Variants in ACTR5 observed in about 807,000 individuals in gnomAD.
The protein encoded by ACTR5 is actin-related protein 5.
ACTR5 carries 43 observed loss-of-function variants against 61.2 expected under a neutral mutation model. That is an observed-to-expected ratio of 0.70 (90% CI 0.55 to 0.91). The LOEUF is 0.91. Among genes scored for constraint, ACTR5 ranks in the 40% least tolerant of loss-of-function variants. ACTR5 has a pLI of 0.00. For missense variants in ACTR5, 798 were observed against 782.2 expected (o/e 1.02, Z -0.24); for synonymous variants, 333 against 310.5 (o/e 1.07, Z -0.76).
chr20:38,749,378 G>T (rs977956655), intron 1 of ACTR5, among the ~76,000 whole-genome samples: 5 of 152,170 alleles, frequency 3.3e-5, no homozygotes, highest in Admixed American at 6.6e-5. Flanking sequence ...AAGGAAAAAC[G>T]GTCCAGGCAG....
intron 8 of ACTR5, among the ~76,000 whole-genome samples, chr20:38,771,071 A>G (rs567593449): frequency 6.6e-6 from 1 of 152,318 alleles, no homozygotes; most frequent in South Asian, 2.1e-4. Flanking sequence ...AGGGGAAACT[A>G]AGTGCTGGCA....
chr20:38,749,698 G>T (rs138416186), intron 1 of ACTR5, among the ~76,000 whole-genome samples: 1,838 of 152,368 alleles, frequency 0.012, 15 homozygotes, highest in Non-Finnish European at 0.016. Flanking sequence ...GGTAAGGGAT[G>T]ATGGTGGCTT....
At chr20:38,748,983 C>A in intron 1 of ACTR5, 130 bp downstream of exon 1, 1 of 1,179,502 alleles carries the variant, frequency 8.5e-7, no homozygotes, top group Non-Finnish European at 1.2e-6. Context: ...CGACCAGATG[C>A]TAGGCGCTGT....
At position 38,748,731 on chromosome 20, in the gene ACTR5, G is replaced by A. The variant is rs1294894203; in HGVS notation, c.253G>A (p.Gly85Ser). ...GGGCCCGCAGGTGGGGAACGCTCTG[G>A]GCAGCCTGGAGCCACTGCGCTGGAT... ...ASGPQVGNAL[G>S]SLEPLRWMLR... The change falls in exon 1 of 9, where the codon GGC becomes AGC. Residue 85 changes from glycine (G) to serine (S), a missense_variant. Gly to Ser is a moderately conservative substitution (Grantham distance 56, BLOSUM62 0). Coordinates refer to ENST00000243903, the MANE Select transcript of ACTR5 (RefSeq NM_024855.4). 1.3e-6 allele frequency: 2 copies of A among 1,573,528 alleles called. No individual in the cohort carries two copies. The highest frequency in any genetic ancestry group is 1.7e-6 in the Non-Finnish European group (2 of 1,162,036).
chr20:38,770,432 G>A (rs554098813), intron 8 of ACTR5, among the ~76,000 whole-genome samples: 8 of 152,268 alleles, frequency 5.3e-5, no homozygotes, highest in South Asian at 4.1e-4. Flanking sequence ...CTTTCCAGTC[G>A]TTTTCATCTC....
intron 4 of ACTR5, 108 bp downstream of exon 4, chr20:38,755,282 C>T: frequency 8.0e-7 from 1 of 1,249,504 alleles, no homozygotes; most frequent in East Asian, 2.6e-5. Context: ...CTGTTTGTCA[C>T]CTTTGGGGTC....
intron 8 of ACTR5, among the ~76,000 whole-genome samples, chr20:38,768,866 C>T (rs1180850590): frequency 6.6e-6 from 1 of 152,118 alleles, no homozygotes; most frequent in Non-Finnish European, 1.5e-5. Context: ...TAGTGATGAA[C>T]CATGAAGGAG....
At chr20:38,763,849 A>G (rs1481108576) in intron 5 of ACTR5, among the ~76,000 whole-genome samples, 3 of 152,100 alleles carry the variant, frequency 2.0e-5, no homozygotes, top group Non-Finnish European at 4.4e-5. Context: ...CACCCAACCC[A>G]TCTTCCTCCT....
chr20:38,765,072 C>T (rs879873219), intron 5 of ACTR5, among the ~76,000 whole-genome samples: 4 of 152,148 alleles, frequency 2.6e-5, no homozygotes, highest in South Asian at 2.1e-4. Context: ...CTTAGAGTTG[C>T]GTGTGTGGTG....
At chr20:38,758,292 T>C (rs1020033226) in intron 5 of ACTR5, among the ~76,000 whole-genome samples, 5 of 152,188 alleles carry the variant, frequency 3.3e-5, no homozygotes, top group African/African-American at 1.2e-4. Flanking sequence ...TTAAATCTCC[T>C]TGGGTTTAGG....
At chr20:38,765,308 G>T in intron 5 of ACTR5, 94 bp from the exon 6 acceptor site, 2 of 879,544 alleles carry the variant, frequency 2.3e-6, no homozygotes, top group South Asian at 1.5e-5. Context: ...TTAGAACATT[G>T]GGCAAGATCC....
Position 38,750,053 on chromosome 20 carries a change from A to T in ACTR5, c.419A>T (p.Asn140Ile). The T allele has an allele frequency of 6.2e-7, 1 of 1,614,164 alleles. No homozygotes were observed. Among genetic ancestry groups the T allele is most frequent in the Non-Finnish European group, 8.5e-7 (1 of 1,180,036 alleles). Reference sequence around the variant, plus strand: ...ATAGTTTTGACAGAAGCTGTGTGCAACCCACTGTATTCACGGCAAATGATG... The same window carrying T: ...ATAGTTTTGACAGAAGCTGTGTGCATCCCACTGTATTCACGGCAAATGATG... ...HPIVLTEAVC[N>I]PLYSRQMMSE... is the part of the protein sequence containing the mutation. The change falls in exon 2 of 9, where the codon AAC becomes ATC. Residue 140 changes from asparagine to isoleucine, a missense_variant. By Grantham distance (149) the Asn-to-Ile change is moderately radical. Transcript: ENST00000243903.
At chr20:38,767,317 A>G (rs1039488763) in intron 7 of ACTR5, 147 bp from the exon 8 acceptor site, 10 of 745,572 alleles carry the variant, frequency 1.3e-5, no homozygotes, top group African/African-American at 1.3e-4. Flanking sequence ...AGAGACACAA[A>G]TGAAAAATGA....
chr20:38,762,481 C>T (rs1022655002), intron 5 of ACTR5, among the ~76,000 whole-genome samples: 4 of 152,216 alleles, frequency 2.6e-5, no homozygotes, highest in Admixed American at 2.6e-4. Context: ...CAAAGACCCT[C>T]CACCTCTGTT....
At chr20:38,755,207 G>T in intron 4 of ACTR5, 33 bp downstream of exon 4, 1 of 1,525,852 alleles carries the variant, frequency 6.6e-7, no homozygotes, top group Non-Finnish European at 8.8e-7. Flanking sequence ...GCGCCCTTCC[G>T]TGTTAACAAG....
intron 6 of ACTR5, 36 bp from the exon 7 acceptor site, chr20:38,766,202 G>A: frequency 6.3e-7 from 1 of 1,582,820 alleles, no homozygotes; most frequent in Non-Finnish European, 8.6e-7. Flanking sequence ...TTGTCATTTG[G>A]CCTAAAAATA....
intron 8 of ACTR5, among the ~76,000 whole-genome samples, chr20:38,767,806 G>A (rs922251720): frequency 2.6e-5 from 4 of 152,148 alleles, no homozygotes; most frequent in Non-Finnish European, 5.9e-5. Context: ...GAAGACATGC[G>A]TAGAATTCTA....
intron 3 of ACTR5, among the ~76,000 whole-genome samples, chr20:38,753,539 G>A (rs960370074): frequency 3.3e-5 from 5 of 152,116 alleles, no homozygotes; most frequent in African/African-American, 1.2e-4. Flanking sequence ...GATTGCCTGG[G>A]CTTGGGATAG....
chr20:38,748,476 A>G lies in ACTR5; in HGVS notation c.-3A>G. 6.7e-7 allele frequency: 1 copy of G among 1,482,166 alleles called. No homozygotes were observed. The highest frequency in any genetic ancestry group is 1.3e-5 in the South Asian group (1 of 78,488). The allele number at this position is 1,482,166 out of a possible 1,614,324, so 91.8% of individuals were successfully genotyped here. On this transcript the variant is annotated 5_prime_UTR_variant, in exon 1 of 9. Coordinates refer to ENST00000243903, the MANE Select transcript of ACTR5 (RefSeq NM_024855.4). ...AGGGGCGGGGCTGGACGCGCGCTCC[A>G]AGATGGCGGCGAACGTGTTCCCGTT...
Sources: gnomAD v4.1 joint callset for allele counts (sites outside exome capture counted in the v4.1 genomes callset) on GRCh38, gnomAD v4.1.1 for gene constraint, MANE v1.5 for transcripts, NCBI Gene and HGNC (gene_info 2026-07-23, HGNC 2026-07-21) for gene names.